Variants in GCNT2 observed in about 807,000 individuals in gnomAD.
GCNT2 encodes glucosaminyl (N-acetyl) transferase 2 (I blood group).
GCNT2 carries 34 observed loss-of-function variants against 34.2 expected under a neutral mutation model. That is an observed-to-expected ratio of 1.00 (90% CI 0.76 to 1.32). The LOEUF is 1.32. Ranked by LOEUF, GCNT2 falls within the 40% of genes most tolerant of loss-of-function variation. The pLI is 0.00. For missense variants in GCNT2, 584 were observed against 489.4 expected, an observed-to-expected ratio of 1.19 and a Z score of -1.82; for synonymous variants, 212 against 188.0, an observed-to-expected ratio of 1.13 and a Z score of -1.04.
rs560448407 is a variant in GCNT2 at position 10,531,954 on chromosome 6, G to A, written c.925+2118G>A. Among the ~76,000 whole-genome samples, 5 of 150,982 alleles carry A rather than the reference G, an allele frequency of 3.3e-5. No individual in the cohort carries two copies. In the South Asian group the frequency reaches 6.3e-4, roughly 19 times the overall value. ...TTTGGAAAAGACTTGAAGAGGGATC[G>A]GTGTCTTTACCTAATTAAAAGATTT... On this transcript the variant is annotated intron_variant, in intron 3 of 4. Coordinates refer to ENST00000495262, the MANE Select transcript of GCNT2 (RefSeq NM_145649.5).
At chr6:10,552,184 A>G (rs970385110) in intron 3 of GCNT2, among the ~76,000 whole-genome samples, 6 of 152,216 alleles carry the variant, frequency 3.9e-5, no homozygotes, top group Non-Finnish European at 2.9e-5. Flanking sequence ...GATTTTCCCC[A>G]GGGAATCCAA....
intron 3 of GCNT2, among the ~76,000 whole-genome samples, chr6:10,543,814 G>A (rs1335464329): frequency 6.6e-6 from 1 of 152,176 alleles, no homozygotes; most frequent in Non-Finnish European, 1.5e-5. Flanking sequence ...AGGACACTGA[G>A]ATATGGAGTC....
intron 3 of GCNT2, among the ~76,000 whole-genome samples, chr6:10,595,952 T>C (rs568766717): frequency 1.4e-4 from 22 of 152,354 alleles, no homozygotes; most frequent in Non-Finnish European, 2.8e-4. Context: ...CGAAAATGTA[T>C]GACAAATCTT....
intron 3 of GCNT2, among the ~76,000 whole-genome samples, chr6:10,532,389 T>A (rs558105283): frequency 6.6e-6 from 1 of 152,364 alleles, no homozygotes; most frequent in East Asian, 1.9e-4. Flanking sequence ...TTCTGTGTTA[T>A]GTGTGTGGAG....
At chr6:10,558,536 A>G (rs181840958) in intron 3 of GCNT2, among the ~76,000 whole-genome samples, 2 of 152,348 alleles carry the variant, frequency 1.3e-5, no homozygotes, top group Admixed American at 6.5e-5. Flanking sequence ...TAAAGTGTAT[A>G]AAACATGATG....
chr6:10,529,617 CTG>C lies in GCNT2; in HGVS notation c.708_709del (p.Leu237LysfsTer9). ...VGRTKYVHQE[L>X]LNHKNSYVIK... ...ACGGACTAAATACGTCCACCAAGAA[CTG>C]TTAAACCACAAAAATTCCTACGTGA... is the stretch of plus-strand genomic sequence containing the variant. On this transcript the variant is annotated frameshift_variant, in exon 3 of 5. Transcript: ENST00000495262. LOFTEE classifies it high-confidence loss of function. The C allele has an allele frequency of 6.2e-7, 1 of 1,614,142 alleles. No homozygotes were observed. The highest frequency in any genetic ancestry group is 2.2e-5 in the East Asian group (1 of 44,890).
intron 3 of GCNT2, among the ~76,000 whole-genome samples, chr6:10,565,569 C>G (rs1763238391): frequency 1.3e-5 from 2 of 152,202 alleles, no homozygotes; most frequent in Admixed American, 6.5e-5. Flanking sequence ...TGAACACTAC[C>G]CTATAAAATC....
chr6:10,559,960 A>G (rs1762897834), intron 3 of GCNT2, among the ~76,000 whole-genome samples: 1 of 152,244 alleles, frequency 6.6e-6, no homozygotes, highest in Admixed American at 6.5e-5. Context: ...CTCTACCTTC[A>G]AAGGCAGTGG....
chr6:10,621,710 G>C (rs375732446), intron 4 of GCNT2: 126 of 416,434 alleles, frequency 3.0e-4, no homozygotes, highest in East Asian at 1.4e-3. Flanking sequence ...CTAGTTTTCA[G>C]CTTTCTTTCT....
chr6:10,523,303 G>T (rs1346745971), intron 1 of GCNT2, among the ~76,000 whole-genome samples: 4 of 152,012 alleles, frequency 2.6e-5, no homozygotes, highest in African/African-American at 9.7e-5. Flanking sequence ...GCACATGCCT[G>T]TAACCCCAGC....
At chr6:10,568,373 A>G (rs1186663270) in intron 3 of GCNT2, among the ~76,000 whole-genome samples, 1 of 152,086 alleles carries the variant, frequency 6.6e-6, no homozygotes, top group Non-Finnish European at 1.5e-5. Context: ...CAGCCAGCAC[A>G]TTCCATACGT....
Position 10,581,845 on chromosome 6 carries a change from A to G in GCNT2, c.926-39506A>G, listed in dbSNP as rs1002279877. 7.1e-6 allele frequency: 7 copies of G among 984,834 alleles called. No homozygotes were observed. In the African/African-American group the frequency reaches 1.2e-4, roughly 17 times the overall value. 61.0% of individuals were successfully genotyped at this position (984,834 alleles called of 1,614,324 possible). A position where few individuals can be genotyped will look rare whatever the true frequency, so the allele number is the denominator to read the frequency against. On this transcript the variant is annotated intron_variant, in intron 3 of 4. Coordinates refer to ENST00000495262, the MANE Select transcript of GCNT2 (RefSeq NM_145649.5). ...CTGCCAAGGACAAATTTTACAGAAA[A>G]GGGTGTGGTTCTAGTAAGAATGAAG...
intron 3 of GCNT2, among the ~76,000 whole-genome samples, chr6:10,592,202 G>A (rs956118761): frequency 6.6e-6 from 1 of 152,182 alleles, no homozygotes; most frequent in African/African-American, 2.4e-5. Flanking sequence ...CTGGCTGAAG[G>A]AGAAATTCCA....
intron 3 of GCNT2, among the ~76,000 whole-genome samples, chr6:10,541,337 A>G (rs767941850): frequency 3.9e-4 from 60 of 152,340 alleles, no homozygotes; most frequent in South Asian, 6.2e-4. Context: ...TGCAAAGGAC[A>G]TGATCTCGTT....
chr6:10,599,605 GGTAGA>G (rs1765012958), intron 3 of GCNT2, among the ~76,000 whole-genome samples: 1 of 152,160 alleles, frequency 6.6e-6, no homozygotes. Context: ...TGAGAGCTAT[GGTAGA>G]ATGAAGACGG....
intron 3 of GCNT2, chr6:10,573,143 T>C (rs1763629366): frequency 5.2e-6 from 5 of 963,388 alleles, no homozygotes; most frequent in African/African-American, 1.8e-5. Context: ...TCGGAAGATA[T>C]AAAGGATGGG....
intron 3 of GCNT2, among the ~76,000 whole-genome samples, chr6:10,596,238 A>G (rs977095892): frequency 2.0e-5 from 3 of 152,122 alleles, no homozygotes; most frequent in Non-Finnish European, 4.4e-5. Context: ...TAAGATTTCC[A>G]TTCAGCTGGG....
intron 3 of GCNT2, among the ~76,000 whole-genome samples, chr6:10,615,891 G>T (rs564799953): frequency 6.6e-6 from 1 of 152,288 alleles, no homozygotes; most frequent in South Asian, 2.1e-4. Context: ...TTTGGTTTTG[G>T]TGGGTTTTGG....
chr6:10,607,338 G>A (rs913955528), intron 3 of GCNT2, among the ~76,000 whole-genome samples: 11 of 152,136 alleles, frequency 7.2e-5, no homozygotes, highest in African/African-American at 2.7e-4. Context: ...AAGGGAGCAA[G>A]CATCTCACAT....
Sources: gnomAD v4.1 joint callset for allele counts (sites outside exome capture counted in the v4.1 genomes callset) on GRCh38, gnomAD v4.1.1 for gene constraint, MANE v1.5 for transcripts, NCBI Gene and HGNC (gene_info 2026-07-23, HGNC 2026-07-21) for gene names.